Variants in CPAMD8 observed in about 807,000 individuals in gnomAD.
The protein encoded by CPAMD8 is C3 and PZP-like alpha-2-macroglobulin domain-containing protein 8.
A neutral mutation model predicts 224.7 loss-of-function variants in CPAMD8; 146 were observed. The ratio of observed to expected loss-of-function variants is 0.65; its 90% CI spans 0.57 to 0.75. The LOEUF is 0.75. Among genes scored for constraint, CPAMD8 ranks in the 30% least tolerant of loss-of-function variants. CPAMD8 has a pLI of 0.00. For missense variants in CPAMD8, 2,301 were observed against 2,537.5 expected, an observed-to-expected ratio of 0.91 and a Z score of 2.00; for synonymous variants, 966 against 1,044.6, an observed-to-expected ratio of 0.92 and a Z score of 1.45.
chr19:16,967,882 T>C (rs1427805866), intron 18 of CPAMD8, among the ~76,000 whole-genome samples: 7 of 95,142 alleles, frequency 7.4e-5, no homozygotes, highest in South Asian at 4.3e-4. Context: ...TGTGCATATA[T>C]ACACACACAT....
chr19:16,917,936 C>T (rs2053022597), intron 27 of CPAMD8, among the ~76,000 whole-genome samples: 1 of 152,094 alleles, frequency 6.6e-6, no homozygotes, highest in African/African-American at 2.4e-5. Flanking sequence ...TGCTCAAGTC[C>T]CCGATATACG....
chr19:16,983,018 C>G (rs548579304), intron 13 of CPAMD8, among the ~76,000 whole-genome samples: 19 of 152,272 alleles, frequency 1.2e-4, no homozygotes, highest in African/African-American at 4.6e-4. Context: ...GGTTCCCATT[C>G]TCTCTTGTCT....
chr19:16,929,215 G>T lies in CPAMD8; in HGVS notation c.2871C>A (p.Asn957Lys), dbSNP rs1047837582. 5 of 1,607,868 alleles carry T rather than the reference G, an allele frequency of 3.1e-6. No homozygotes were observed. The African/African-American group carries it at 6.7e-5, about 21-fold the overall frequency. ...GCTGCACATACTGGAACTCATACTTGTTGGGGGTGGAGATGTGGACTCTCT... is the reference window on the plus strand; with the variant it reads ...GCTGCACATACTGGAACTCATACTTTTTGGGGGTGGAGATGTGGACTCTCT... Reference protein sequence around the residue: ...PSERVHISTPNKYEFQYVQRP... With the variant: ...PSERVHISTPKKYEFQYVQRP... The change falls in exon 24 of 42, where the codon AAC becomes AAA. Residue 957 changes from asparagine (N) to lysine (K), a missense_variant. Physicochemically the swap from Asn to Lys is moderately conservative, Grantham distance 94 (BLOSUM62 0). Transcript: ENST00000443236.
At chr19:17,002,985 C>A (rs1319211124) in intron 8 of CPAMD8, among the ~76,000 whole-genome samples, 1 of 150,244 alleles carries the variant, frequency 6.7e-6, no homozygotes, top group Non-Finnish European at 1.5e-5. Flanking sequence ...CTCACTGCAA[C>A]CTCCTCCTCC....
chr19:16,911,417 A>G (rs1439646325), intron 29 of CPAMD8, among the ~76,000 whole-genome samples: 1 of 151,042 alleles, frequency 6.6e-6, no homozygotes, highest in African/African-American at 2.4e-5. Flanking sequence ...GCTGGAGTGC[A>G]GTGGCACGAG....
Position 17,000,532 on chromosome 19 carries a change from A to C in CPAMD8, c.759-10T>G, listed in dbSNP as rs1599879818. 1 of 1,125,980 alleles carries C rather than the reference A, an allele frequency of 8.9e-7. No homozygotes were observed. Among genetic ancestry groups the C allele is most frequent in the African/African-American group, 1.5e-5 (1 of 65,600 alleles). 69.7% of individuals were successfully genotyped at this position (1,125,980 alleles called of 1,614,324 possible). A position where few individuals can be genotyped will look rare whatever the true frequency, so the allele number is the denominator to read the frequency against. The stretch of plus-strand genomic sequence containing the variant: ...TTTCCCAAAGGTATACCTGGAACAA[A>C]AGGATAAAGCATGCTCAATTTCACA... On this transcript the variant is annotated splice_polypyrimidine_tract_variant and intron_variant, in intron 9 of 41. Transcript: ENST00000443236.
chr19:17,014,028 CTTCT>C (rs1196279928), intron 3 of CPAMD8, among the ~76,000 whole-genome samples: 4 of 35,632 alleles, frequency 1.1e-4, no homozygotes, highest in African/African-American at 1.6e-4. Flanking sequence ...CCATCCCTCC[CTTCT>C]TTCTTTCTTT....
chr19:16,935,501 A>C (rs896364101), intron 23 of CPAMD8, among the ~76,000 whole-genome samples: 3 of 152,194 alleles, frequency 2.0e-5, no homozygotes, highest in Admixed American at 6.6e-5. Flanking sequence ...AAATGGAATA[A>C]TTCATGTATC....
chr19:16,899,616 G>A lies in CPAMD8; in HGVS notation c.4774-67C>T, dbSNP rs939321357. On this transcript the variant is annotated intron_variant, in intron 36 of 41. Transcript: ENST00000443236. This position sits in a 1 kb window ranked among gnomAD's most constrained non-coding sequence, Gnocchi z 5.4. Reference sequence around the variant, plus strand: ...TTGCTTCCTCTCCCATCCCCTGGGGGCAGTGGTCAGTGGGATGCTTGGACT... The same window carrying A: ...TTGCTTCCTCTCCCATCCCCTGGGGACAGTGGTCAGTGGGATGCTTGGACT... 2.5e-6 allele frequency: 2 copies of A among 813,838 alleles called. No individual in the cohort carries two copies. The highest frequency in any genetic ancestry group is 1.7e-5 in the African/African-American group (1 of 59,902). The allele number at this position is 813,838 out of a possible 1,614,324, so 50.4% of individuals were successfully genotyped here.
chr19:16,945,395 C>T (rs999853627), intron 22 of CPAMD8, among the ~76,000 whole-genome samples, 154 bp downstream of exon 22: 3 of 152,148 alleles, frequency 2.0e-5, no homozygotes, highest in Admixed American at 1.3e-4. Context: ...CAAGGAAGTA[C>T]CCGAAAGTCC....
chr19:16,991,897 G>A (rs1319142778), intron 12 of CPAMD8, among the ~76,000 whole-genome samples: 1 of 151,478 alleles, frequency 6.6e-6, no homozygotes, highest in African/African-American at 2.4e-5. Context: ...TGACCAAACA[G>A]CTGTGCTGTG....
At chr19:16,902,546 C>G (rs1180990459) in intron 35 of CPAMD8, 103 bp downstream of exon 35, 2 of 696,448 alleles carry the variant, frequency 2.9e-6, no homozygotes, top group Non-Finnish European at 5.0e-6. Flanking sequence ...AAAACCACCA[C>G]TGAGTGCCTG....
chr19:16,926,854 T>A (rs560187618), intron 25 of CPAMD8, among the ~76,000 whole-genome samples: 1 of 152,278 alleles, frequency 6.6e-6, no homozygotes, highest in South Asian at 2.1e-4. Flanking sequence ...CAGCCCCACA[T>A]CCACTCTGAC....
chr19:16,922,011 T>C (rs2053193809), intron 26 of CPAMD8, 25 bp from the exon 27 acceptor site: 2 of 1,525,038 alleles, frequency 1.3e-6, no homozygotes, highest in East Asian at 2.5e-5. Flanking sequence ...GAGAGGACCC[T>C]GTCCTGTTGA....
At chr19:16,911,271 A>C (rs1474277979) in intron 29 of CPAMD8, among the ~76,000 whole-genome samples, 1 of 151,874 alleles carries the variant, frequency 6.6e-6, no homozygotes, top group Non-Finnish European at 1.5e-5. Flanking sequence ...CTCCCATCGG[A>C]CCATCAGCAG....
chr19:16,914,677 C>T lies in CPAMD8; in HGVS notation c.3766G>A (p.Val1256Ile). The T allele has an allele frequency of 6.2e-7, 1 of 1,614,018 alleles. No homozygotes were observed. Among genetic ancestry groups the T allele is most frequent in the Admixed American group, 1.7e-5 (1 of 60,028 alleles). Residue 1256 changes from valine to isoleucine, a missense_variant, in exon 28 of 42, where the codon GTC becomes ATC. Transcript: ENST00000443236. ...ADGSFLAVGR[V>I]LNKDIQGGIH... ...CTCACCTGGATGTCCTTGTTCAGGA[C>T]CCTGCCCACGGCCAGGAAGGAGCCA...
chr19:16,927,399 G>A (rs913226846), intron 25 of CPAMD8, among the ~76,000 whole-genome samples: 4 of 152,048 alleles, frequency 2.6e-5, no homozygotes, highest in African/African-American at 4.8e-5. Context: ...CCCCAGCCAC[G>A]TGAAACTGTG....
chr19:16,947,019 G>T, intron 21 of CPAMD8, 55 bp downstream of exon 21: 1 of 1,531,448 alleles, frequency 6.5e-7, no homozygotes, highest in Non-Finnish European at 8.8e-7. Flanking sequence ...GTCAATGCCA[G>T]GACACTTTTG....
Position 16,945,591 on chromosome 19 carries a change from G to A in CPAMD8, c.2751C>T (p.Val917=). The A allele has an allele frequency of 1.2e-6, 2 of 1,614,168 alleles. No homozygotes were observed. The highest frequency in any genetic ancestry group is 2.2e-5 in the East Asian group (1 of 44,880). The change falls in exon 22 of 42, where the codon GTC becomes GTT. Residue 917 remains valine, a synonymous_variant. Coordinates refer to ENST00000443236, the MANE Select transcript of CPAMD8 (RefSeq NM_015692.5). ...GCCTGACGTGATCCACCCCGATGGG[G>A]ACCCTCCTGTCGGCGTGATTCTCCT... ...HPEENHADRR[V]PIGVDHVRRS...
Sources: gnomAD v4.1 joint callset for allele counts (sites outside exome capture counted in the v4.1 genomes callset) on GRCh38, gnomAD v4.1.1 for gene constraint, Gnocchi (gnomAD v3.1) non-coding constraint, MANE v1.5 for transcripts, NCBI Gene and HGNC (gene_info 2026-07-23, HGNC 2026-07-21) for gene names.